The following SNX29 variants were observed in gnomAD, a reference collection of about 807,000 sequenced individuals.
The protein encoded by SNX29 is sorting nexin-29.
Under a neutral mutation model 102.1 loss-of-function variants are expected in SNX29, and 78 were observed. The ratio of observed to expected loss-of-function variants is 0.76; its 90% CI spans 0.64 to 0.92. The LOEUF is 0.92. Among genes scored for constraint, SNX29 ranks in the 40% least tolerant of loss-of-function variants. SNX29 has a pLI of 0.00. For missense variants in SNX29, 1,280 were observed against 1,061.7 expected, an observed-to-expected ratio of 1.21 and a Z score of -2.86; for synonymous variants, 580 against 414.5, an observed-to-expected ratio of 1.40 and a Z score of -4.85.
At chr16:12,536,984 AAAT>A (rs1300028836) in intron 20 of SNX29, among the ~76,000 whole-genome samples, 2 of 147,262 alleles carry the variant, frequency 1.4e-5, no homozygotes. Context: ...CGTCTTAAAA[AAAT>A]AAAATAAAAA....
At chr16:12,083,685 G>T (rs868460834) in intron 11 of SNX29, among the ~76,000 whole-genome samples, 1 of 152,184 alleles carries the variant, frequency 6.6e-6, no homozygotes, top group Non-Finnish European at 1.5e-5. Context: ...TGCCGTCCCA[G>T]TTCAGATGGA....
chr16:12,524,874 G>GC (rs1486060029), intron 20 of SNX29, 33 bp downstream of exon 20: 1 of 1,597,376 alleles, frequency 6.3e-7, no homozygotes, highest in Non-Finnish European at 8.6e-7. Flanking sequence ...TGGGCCGCCA[G>GC]CCCTGCCAGC....
intron 13 of SNX29, among the ~76,000 whole-genome samples, chr16:12,196,864 A>G (rs1288976742): frequency 6.6e-6 from 1 of 151,844 alleles, no homozygotes; most frequent in Non-Finnish European, 1.5e-5. Flanking sequence ...CACGTGATCC[A>G]CCCACCTCAG....
intron 20 of SNX29, among the ~76,000 whole-genome samples, chr16:12,528,280 A>ATTTC (rs2076840344): frequency 6.6e-6 from 1 of 151,916 alleles, no homozygotes; most frequent in Non-Finnish European, 1.5e-5. Context: ...GCTCACTGCA[A>ATTTC]CCTCTACCTC....
rs1367368083 is a variant in SNX29 at position 12,458,526 on chromosome 16, G to C, written c.2038-19193G>C. On this transcript the variant is annotated intron_variant, in intron 18 of 20. Transcript: ENST00000566228. ...GTTTTGTATTTATTATGTACATTTT[G>C]TTGTTAGACAGCTATCACTGGTCCT... Among the ~76,000 whole-genome samples, 4 of 152,254 alleles carry C rather than the reference G, an allele frequency of 2.6e-5. No homozygotes were observed. The South Asian group carries it at 8.3e-4, about 32-fold the overall frequency.
In SNX29 at chr16:12,512,367, AAAAT is replaced by A. The variant is rs1282066219; in HGVS notation, c.2179-12333_2179-12330del. On this transcript the variant is annotated intron_variant, in intron 19 of 20. Transcript: ENST00000566228. Reference sequence around the variant, plus strand: ...TACGTCCATCATGGAAGGCCCAGGGAAAATATATATATATATATATATATATATA... The same window carrying A: ...TACGTCCATCATGGAAGGCCCAGGGAATATATATATATATATATATATATA... Among the ~76,000 whole-genome samples the A allele has an allele frequency of 6.7e-3, 263 of 39,450 alleles. 21 individuals carry two copies. Among genetic ancestry groups the A allele is most frequent in the Middle Eastern group, 0.047 (4 of 86 alleles). The allele number at this position is 39,450 out of a possible 152,430, so 25.9% of individuals were successfully genotyped here. A position where few individuals can be genotyped will look rare whatever the true frequency, so the allele number is the denominator to read the frequency against.
At chr16:12,226,188 G>A (rs2077606604) in intron 14 of SNX29, among the ~76,000 whole-genome samples, 1 of 152,160 alleles carries the variant, frequency 6.6e-6, no homozygotes, top group African/African-American at 2.4e-5. Flanking sequence ...AATGTTAATA[G>A]GCAGCCACTA....
chr16:12,549,541 T>G (rs955665551), intron 20 of SNX29, among the ~76,000 whole-genome samples: 2 of 151,368 alleles, frequency 1.3e-5, no homozygotes, highest in African/African-American at 4.9e-5. Flanking sequence ...AAATAGCCAG[T>G]AAGGCATGGA....
intron 14 of SNX29, among the ~76,000 whole-genome samples, chr16:12,268,856 A>G (rs1043020282): frequency 1.3e-5 from 2 of 152,140 alleles, no homozygotes; most frequent in South Asian, 2.1e-4. Flanking sequence ...CTTAATTTAG[A>G]CAGAAAACCC....
intron 19 of SNX29, among the ~76,000 whole-genome samples, chr16:12,498,732 A>G (rs2088955134): frequency 6.6e-6 from 1 of 152,264 alleles, no homozygotes; most frequent in South Asian, 2.1e-4. Context: ...TCTGTCTCTA[A>G]GTCAGGTCAT....
intron 20 of SNX29, among the ~76,000 whole-genome samples, chr16:12,528,526 T>G (rs982261266): frequency 2.0e-5 from 3 of 152,072 alleles, no homozygotes; most frequent in African/African-American, 7.2e-5. Flanking sequence ...ATCAGAAGAA[T>G]TGGTCACAGC....
intron 14 of SNX29, among the ~76,000 whole-genome samples, chr16:12,245,973 T>C (rs1055628175): frequency 2.0e-5 from 3 of 152,200 alleles, no homozygotes; most frequent in African/African-American, 4.8e-5. Flanking sequence ...ATATTAACAA[T>C]GCTTAATGAG....
At chr16:12,222,886 A>G (rs2142127032) in intron 14 of SNX29, among the ~76,000 whole-genome samples, 1 of 152,246 alleles carries the variant, frequency 6.6e-6, no homozygotes, top group African/African-American at 2.4e-5. Flanking sequence ...TGCTGTTTTC[A>G]TTTGGATGCT....
chr16:12,538,112 C>T (rs1298781165), intron 20 of SNX29, among the ~76,000 whole-genome samples: 2 of 127,312 alleles, frequency 1.6e-5, no homozygotes, highest in Non-Finnish European at 3.3e-5. Context: ...TTCTGCATTT[C>T]CCCTTGCATT....
chr16:12,535,592 A>T (rs1213406700), intron 20 of SNX29, among the ~76,000 whole-genome samples: 1 of 151,976 alleles, frequency 6.6e-6, no homozygotes, highest in African/African-American at 2.4e-5. Flanking sequence ...CACGATTGGC[A>T]AGCCTCTACC....
chr16:12,133,015 G>A (rs1324115176), intron 13 of SNX29, among the ~76,000 whole-genome samples: 1 of 152,232 alleles, frequency 6.6e-6, no homozygotes, highest in East Asian at 1.9e-4. Flanking sequence ...TTGCCTGGGG[G>A]TGGGGATGCC....
At chr16:12,439,129 C>T (rs1183640371) in intron 18 of SNX29, among the ~76,000 whole-genome samples, 1 of 152,218 alleles carries the variant, frequency 6.6e-6, no homozygotes, top group African/African-American at 2.4e-5. Context: ...AGAGGCCCTC[C>T]ACCTGCTCTT....
At chr16:12,244,525 C>A (rs183049766) in intron 14 of SNX29, among the ~76,000 whole-genome samples, 56 of 152,064 alleles carry the variant, frequency 3.7e-4, no homozygotes, top group African/African-American at 1.3e-3. Flanking sequence ...AGGAGAATTG[C>A]TTGAAACCTG....
intron 9 of SNX29, among the ~76,000 whole-genome samples, chr16:12,066,071 G>C (rs2051022294): frequency 6.6e-6 from 1 of 152,166 alleles, no homozygotes. Flanking sequence ...AATCACCTGG[G>C]ACCGTGTGGA....
Sources: allele counts gnomAD v4.1 joint callset (sites outside exome capture counted in the v4.1 genomes callset), GRCh38; gene constraint gnomAD v4.1.1; transcripts MANE v1.5; gene names NCBI Gene and HGNC (gene_info 2026-07-23, HGNC 2026-07-21).